The following ANKFN1 variants were observed in gnomAD, a reference collection of about 807,000 sequenced individuals.
The protein encoded by ANKFN1 is ankyrin repeat and fibronectin type III domain containing 1, also known as ankyrin repeat and fibronectin type-III domain-containing protein 1.
A neutral mutation model predicts 108.7 loss-of-function variants in ANKFN1; 74 were observed. The observed-to-expected ratio is 0.68, with a 90% CI of 0.56 to 0.83. The LOEUF is 0.83. Ranked by LOEUF, ANKFN1 falls within the 40% of genes least tolerant of loss-of-function variation. The pLI is 0.00. For synonymous variants in ANKFN1, 547 were observed against 516.2 expected (o/e 1.06, Z -0.81); for missense variants, 1,505 against 1,382.3 (o/e 1.09, Z -1.41).
intron 14 of ANKFN1, among the ~76,000 whole-genome samples, chr17:56,462,501 G>A (rs191667747): frequency 6.6e-6 from 1 of 152,290 alleles, no homozygotes; most frequent in Admixed American, 6.5e-5. Flanking sequence ...GGCTAAGGCA[G>A]GAGAATCACT....
intron 18 of ANKFN1, 66 bp downstream of exon 18, chr17:56,482,590 A>G (rs761555946): frequency 3.2e-6 from 5 of 1,555,702 alleles, no homozygotes; most frequent in Admixed American, 3.6e-5. Flanking sequence ...ACAAAGTTAT[A>G]TCTGTTCCCC....
chr17:56,443,895 CAT>C (rs1323541572), intron 10 of ANKFN1, among the ~76,000 whole-genome samples: 5 of 152,140 alleles, frequency 3.3e-5, no homozygotes, highest in African/African-American at 1.2e-4. Context: ...AAAGTGATAT[CAT>C]ATGTTTCTTG....
intron 8 of ANKFN1, among the ~76,000 whole-genome samples, chr17:56,407,030 A>C (rs1046713184): frequency 2.1e-5 from 3 of 139,560 alleles, no homozygotes; most frequent in African/African-American, 7.6e-5. Flanking sequence ...AGGGAGGGGA[A>C]AAAGGGGAAG....
chr17:56,282,266 GAAC>G (rs988492760), intron 3 of ANKFN1, among the ~76,000 whole-genome samples: 5 of 151,696 alleles, frequency 3.3e-5, no homozygotes, highest in African/African-American at 1.2e-4. Context: ...ATAAAAATCA[GAAC>G]AACAGGTGCC....
intron 3 of ANKFN1, among the ~76,000 whole-genome samples, chr17:56,241,315 G>GTTAC (rs1165506053): frequency 2.6e-5 from 4 of 152,124 alleles, no homozygotes; most frequent in Admixed American, 2.6e-4. Flanking sequence ...AAAAAAGAAA[G>GTTAC]TTACATTTTG....
intron 10 of ANKFN1, among the ~76,000 whole-genome samples, chr17:56,446,647 G>A (rs888821886): frequency 6.6e-6 from 1 of 152,142 alleles, no homozygotes; most frequent in Non-Finnish European, 1.5e-5. Context: ...TAAAAACTCT[G>A]TAATCCCAGT....
chr17:56,416,597 G>A (rs1278397822), intron 8 of ANKFN1, among the ~76,000 whole-genome samples: 3 of 152,174 alleles, frequency 2.0e-5, no homozygotes, highest in African/African-American at 4.8e-5. Flanking sequence ...ATCCTCGTAC[G>A]CTGTTGGTGG....
chr17:56,434,666 C>A (rs1051179641), intron 8 of ANKFN1, among the ~76,000 whole-genome samples: 1 of 152,026 alleles, frequency 6.6e-6, no homozygotes, highest in Non-Finnish European at 1.5e-5. Context: ...GTTTTCACGT[C>A]AGTTCCTAAT....
chr17:56,301,786 G>A (rs753215852), intron 3 of ANKFN1, among the ~76,000 whole-genome samples: 10 of 152,192 alleles, frequency 6.6e-5, no homozygotes, highest in Non-Finnish European at 2.9e-5. Context: ...CCGAACCAGG[G>A]TACTGAGACT....
At position 56,513,585 on chromosome 17, in the gene ANKFN1, G is replaced by T. The variant is rs1335422031; in HGVS notation, c.*2316G>T. 3.3e-5 allele frequency among the ~76,000 whole-genome samples: 5 copies of T among 152,302 alleles called. No individual in the cohort carries two copies. The highest frequency in any genetic ancestry group is 1.2e-4 in the African/African-American group (5 of 41,564). On this transcript the variant is annotated 3_prime_UTR_variant, in exon 21 of 21. Transcript: ENST00000682825. ...GTGGCATAGGAGGAAGTTTGTGACTGAATCAGGTGGGAGGCATTCAACAAA... is the reference window on the plus strand; with the variant it reads ...GTGGCATAGGAGGAAGTTTGTGACTTAATCAGGTGGGAGGCATTCAACAAA...
At chr17:56,076,972 A>G (rs1177765744) in intron 4 of ANKFN1, among the ~76,000 whole-genome samples, 3 of 152,176 alleles carry the variant, frequency 2.0e-5, no homozygotes, top group Non-Finnish European at 4.4e-5. Flanking sequence ...AGTAGAAATA[A>G]AATCTTTGCT....
chr17:56,251,609 A>G (rs1157676747), intron 3 of ANKFN1, among the ~76,000 whole-genome samples: 1 of 152,128 alleles, frequency 6.6e-6, no homozygotes, highest in Non-Finnish European at 1.5e-5. Context: ...CCATTGTCCA[A>G]GGTTCCAGAT....
At chr17:56,163,265 AG>A (rs1268792073) in intron 1 of ANKFN1, among the ~76,000 whole-genome samples, 1 of 152,086 alleles carries the variant, frequency 6.6e-6, no homozygotes, top group African/African-American at 2.4e-5. Context: ...TTGTTCACAG[AG>A]ATTTTTCTAA....
chr17:56,297,034 CTT>C (rs1266721396), intron 3 of ANKFN1, among the ~76,000 whole-genome samples: 1 of 152,134 alleles, frequency 6.6e-6, no homozygotes, highest in Non-Finnish European at 1.5e-5. Context: ...CATTGGATCT[CTT>C]TGGAATTTTT....
intron 4 of ANKFN1, among the ~76,000 whole-genome samples, chr17:56,087,901 C>T (rs1401888532): frequency 1.3e-5 from 2 of 151,130 alleles, no homozygotes; most frequent in South Asian, 2.1e-4. Flanking sequence ...CTGACCTCTT[C>T]CCTGGACTAT....
At chr17:56,161,883 T>A (rs746278695) in intron 1 of ANKFN1, among the ~76,000 whole-genome samples, 69 of 152,084 alleles carry the variant, frequency 4.5e-4, no homozygotes, top group Admixed American at 5.9e-4. Context: ...GTTCTCAGGG[T>A]CTATGGGAAT....
intron 20 of ANKFN1, among the ~76,000 whole-genome samples, chr17:56,508,158 C>G (rs1256805058): frequency 6.6e-6 from 1 of 152,188 alleles, no homozygotes; most frequent in Non-Finnish European, 1.5e-5. Context: ...TAGCTTGGAC[C>G]ACAGCTTCCC....
chr17:56,176,529 A>C (rs1436107594), intron 1 of ANKFN1, among the ~76,000 whole-genome samples: 2 of 152,208 alleles, frequency 1.3e-5, no homozygotes, highest in East Asian at 3.9e-4. Context: ...CATTTATAGC[A>C]AAGCAGACTG....
chr17:56,182,978 A>G (rs746804316), intron 1 of ANKFN1, among the ~76,000 whole-genome samples: 5 of 152,204 alleles, frequency 3.3e-5, no homozygotes, highest in Non-Finnish European at 7.3e-5. Context: ...TGTTTACAGC[A>G]TACGGTTTAC....
Sources: allele counts gnomAD v4.1 joint callset (sites outside exome capture counted in the v4.1 genomes callset), GRCh38; gene constraint gnomAD v4.1.1; transcripts MANE v1.5; gene names NCBI Gene and HGNC (gene_info 2026-07-23, HGNC 2026-07-21).